DIRAS1: variants seen among roughly 807,000 people sequenced by gnomAD.
DIRAS1 encodes the protein GTP-binding protein Di-Ras1.
DIRAS1 carries 3 observed loss-of-function variants against 11.5 expected under a neutral mutation model. The observed-to-expected ratio is 0.26, with a 90% CI of 0.12 to 0.67. The LOEUF is 0.67. Ranked by LOEUF, DIRAS1 falls within the 30% of genes least tolerant of loss-of-function variation. The pLI is 0.80. For missense variants in DIRAS1, 212 were observed against 285.3 expected (o/e 0.74, Z 1.85); for synonymous variants, 128 against 125.8 (o/e 1.02, Z -0.12).
rs1913774627 is a variant in DIRAS1, at chr19:2,715,776, T to G, written c.*1434A>C. ...TTGCTATAGAGTGGAACACAGATCG[T>G]GTCCCTCAATCAGGACAAACATATT... On this transcript the variant is annotated 3_prime_UTR_variant, in exon 2 of 2. Coordinates refer to ENST00000323469, the MANE Select transcript of DIRAS1 (RefSeq NM_145173.4). 6.6e-6 allele frequency: 1 copy of G among 152,246 alleles called. No individual in the cohort carries two copies. Among genetic ancestry groups the G allele is most frequent in the Admixed American group, 6.5e-5 (1 of 15,284 alleles). The allele number at this position is 152,246 out of a possible 1,614,324, so 9.4% of individuals were successfully genotyped here. A position where few individuals can be genotyped will look rare whatever the true frequency, so the allele number is the denominator to read the frequency against.
chr19:2,715,074 A>T lies in DIRAS1; in HGVS notation c.*2136T>A, dbSNP rs1039365906. On this transcript the variant is annotated 3_prime_UTR_variant, in exon 2 of 2. Coordinates refer to ENST00000323469, the MANE Select transcript of DIRAS1 (RefSeq NM_145173.4). ...TCTGGGAGCCCGGTCCACGTGCTGG[A>T]TAGCAACACACACGCACGTGTGCAC... 6.6e-6 allele frequency: 1 copy of T among 152,336 alleles called. No individual in the cohort carries two copies. Among genetic ancestry groups the T allele is most frequent in the Admixed American group, 6.5e-5 (1 of 15,278 alleles). The allele number at this position is 152,336 out of a possible 1,614,324, so 9.4% of individuals were successfully genotyped here.
rs1446860031 is a variant in DIRAS1, at chr19:2,717,575, T to C, written c.232A>G (p.Lys78Glu). Residue 78 changes from lysine (K) to glutamate (E), a missense_variant, in exon 2 of 2, where the codon AAG (lysine) becomes GAG (glutamate). By Grantham distance (56) the Lys-to-Glu change is moderately conservative (BLOSUM62 1). Around this residue, in one of 2 missense-constraint regions of DIRAS1, gnomAD observed 128 missense variants for 205.3 expected, o/e 0.62. Transcript: ENST00000323469. ...AACACCAGGATGAAGGCGTGGCCCTTGGAGATGGACAGGCGCTGCATGGCC... is the reference window on the plus strand; with the variant it reads ...AACACCAGGATGAAGGCGTGGCCCTCGGAGATGGACAGGCGCTGCATGGCC... ...FPAMQRLSIS[K>E]GHAFILVFSV... 6.2e-7 allele frequency: 1 copy of C among 1,612,908 alleles called. No homozygotes were observed. The highest frequency in any genetic ancestry group is 8.5e-7 in the Non-Finnish European group (1 of 1,179,616).
chr19:2,721,287 C>G lies in DIRAS1; in HGVS notation c.-70+17G>C, dbSNP rs1281234314. On this transcript the variant is annotated intron_variant, in intron 1 of 1. Coordinates refer to ENST00000323469, the MANE Select transcript of DIRAS1 (RefSeq NM_145173.4). ...GGGGGCTGCGCAGGGACCCCCTCCC[C>G]GCCCCGGGCCGCCTACCTGGGCCCG... is the stretch of plus-strand genomic sequence containing the variant. 6.8e-6 allele frequency: 1 copy of G among 147,802 alleles called. No individual in the cohort carries two copies. The highest frequency in any genetic ancestry group is 2.4e-5 in the African/African-American group (1 of 40,830). The allele number at this position is 147,802 out of a possible 1,614,324, so 9.2% of individuals were successfully genotyped here.
Position 2,715,453 on chromosome 19 carries a change from C to A in DIRAS1, c.*1757G>T, listed in dbSNP as rs1568293851. ...CCAACAGCCAGCGAGGAACTGAGGC[C>A]TTCAGTCTTGCAACAGCAAGGAACT... On this transcript the variant is annotated 3_prime_UTR_variant, in exon 2 of 2. Transcript: ENST00000323469. 6.6e-6 allele frequency: 1 copy of A among 152,376 alleles called. No individual in the cohort carries two copies. Among genetic ancestry groups the A allele is most frequent in the East Asian group, 1.9e-4 (1 of 5,188 alleles). The allele number at this position is 152,376 out of a possible 1,614,324, so 9.4% of individuals were successfully genotyped here. A position where few individuals can be genotyped will look rare whatever the true frequency, so the allele number is the denominator to read the frequency against.
In DIRAS1 at chr19:2,716,135, C is replaced by T. The variant is rs1004972081; in HGVS notation, c.*1075G>A. 1.3e-5 allele frequency: 2 copies of T among 152,290 alleles called. No individual in the cohort carries two copies. Among genetic ancestry groups the T allele is most frequent in the Non-Finnish European group, 2.9e-5 (2 of 68,078 alleles). The allele number at this position is 152,290 out of a possible 1,614,324, so 9.4% of individuals were successfully genotyped here. On this transcript the variant is annotated 3_prime_UTR_variant, in exon 2 of 2. Coordinates refer to ENST00000323469, the MANE Select transcript of DIRAS1 (RefSeq NM_145173.4). ...TTGGACACAACCCTGTGGGGTCACA[C>T]GAGTGTGGTGTCACTCAGACTCTCT...
In DIRAS1 at chr19:2,717,052, G is replaced by A; in HGVS notation, c.*158C>T. The A allele has an allele frequency of 1.4e-6, 1 of 720,116 alleles. No homozygotes were observed. The highest frequency in any genetic ancestry group is 2.2e-6 in the Non-Finnish European group (1 of 450,452). The allele number at this position is 720,116 out of a possible 1,614,324, so 44.6% of individuals were successfully genotyped here. On this transcript the variant is annotated 3_prime_UTR_variant, in exon 2 of 2. Coordinates refer to ENST00000323469, the MANE Select transcript of DIRAS1 (RefSeq NM_145173.4). ...AAAGCCCCAGCCCTGCCTCGGGGTG[G>A]GCAGGGGCAGCGGAGGGGGGGGCGG...
chr19:2,719,946 T>A (rs183931051), intron 1 of DIRAS1, among the ~76,000 whole-genome samples: 108 of 152,276 alleles, frequency 7.1e-4, no homozygotes, highest in African/African-American at 2.6e-3. Flanking sequence ...TTCTGGATTA[T>A]CAAGGGTAAC....
rs1320163694 is a variant in DIRAS1 at position 2,717,469 on chromosome 19, T to C, written c.338A>G (p.Asp113Gly). The C allele has an allele frequency of 6.2e-7, 1 of 1,611,472 alleles. No individual in the cohort carries two copies. Among genetic ancestry groups the C allele is most frequent in the African/African-American group, 1.3e-5 (1 of 75,044 alleles). Residue 113 changes from aspartate (D) to glycine (G), a missense_variant, in exon 2 of 2, where the codon GAC (aspartate) becomes GGC (glycine). Transcript: ENST00000323469. ...GTTGCCCACGAGCATCACGGGGATG[T>C]CCTCCACGCTGCCCTTGATCTGCAC... is the stretch of plus-strand genomic sequence containing the variant. ...LIVQIKGSVE[D>G]IPVMLVGNKC...
intron 1 of DIRAS1, among the ~76,000 whole-genome samples, chr19:2,721,001 C>G (rs1263965148): frequency 2.6e-5 from 3 of 117,282 alleles, no homozygotes; most frequent in Admixed American, 9.6e-5. Context: ...AGGCCCTGCC[C>G]GAGGGGACCA....
chr19:2,717,909 AC>A, intron 1 of DIRAS1, 34 bp from the exon 2 acceptor site: 1 of 1,261,074 alleles, frequency 7.9e-7, no homozygotes, highest in Non-Finnish European at 1.1e-6. Context: ...GTCAAAGGCC[AC>A]CCAGGCTTGA....
At position 2,717,123 on chromosome 19, in the gene DIRAS1, AGAG is replaced by A. The variant is rs1162024347; in HGVS notation, c.*84_*86del. 106 of 1,322,670 alleles carry A rather than the reference AGAG, an allele frequency of 8.0e-5. No individual in the cohort carries two copies. Among genetic ancestry groups the A allele is most frequent in the Non-Finnish European group, 1.0e-4 (102 of 986,576 alleles). The allele number at this position is 1,322,670 out of a possible 1,614,324, so 81.9% of individuals were successfully genotyped here. A position where few individuals can be genotyped will look rare whatever the true frequency, so the allele number is the denominator to read the frequency against. Reference sequence around the variant, plus strand: ...GAGGTGTCGGAGGAAGGATGAGAGAAGAGGAGGAGGCCGAGGAGGGTGTCGGTG... The same window carrying A: ...GAGGTGTCGGAGGAAGGATGAGAGAAGAGGAGGCCGAGGAGGGTGTCGGTG... On this transcript the variant is annotated 3_prime_UTR_variant, in exon 2 of 2. Coordinates refer to ENST00000323469, the MANE Select transcript of DIRAS1 (RefSeq NM_145173.4).
chr19:2,715,246 CAT>C lies in DIRAS1; in HGVS notation c.*1962_*1963del, dbSNP rs1476377903. 6.6e-5 allele frequency: 10 copies of C among 151,634 alleles called. No individual in the cohort carries two copies. Among genetic ancestry groups the C allele is most frequent in the Non-Finnish European group, 1.3e-4 (9 of 68,058 alleles). 9.4% of individuals were successfully genotyped at this position (151,634 alleles called of 1,614,324 possible). A position where few individuals can be genotyped will look rare whatever the true frequency, so the allele number is the denominator to read the frequency against. ...ACCTGGCCACATGACTACAGAGACA[CAT>C]GTGTGCAATCTCTCTCTCTCTCTCA... On this transcript the variant is annotated 3_prime_UTR_variant, in exon 2 of 2. Coordinates refer to ENST00000323469, the MANE Select transcript of DIRAS1 (RefSeq NM_145173.4).
Position 2,715,655 on chromosome 19 carries a change from G to A in DIRAS1, c.*1555C>T, listed in dbSNP as rs1321884908. On this transcript the variant is annotated 3_prime_UTR_variant, in exon 2 of 2. Coordinates refer to ENST00000323469, the MANE Select transcript of DIRAS1 (RefSeq NM_145173.4). ...ACAGAATCTATGAGATAATAAGCAT[G>A]TGTTGTTTCTGGTTGCTACATTTGT... is the stretch of plus-strand genomic sequence containing the variant. 6.6e-6 allele frequency: 1 copy of A among 152,338 alleles called. No homozygotes were observed. Among genetic ancestry groups the A allele is most frequent in the East Asian group, 1.9e-4 (1 of 5,188 alleles). The allele number at this position is 152,338 out of a possible 1,614,324, so 9.4% of individuals were successfully genotyped here. A position where few individuals can be genotyped will look rare whatever the true frequency, so the allele number is the denominator to read the frequency against.
chr19:2,721,150 G>A (rs1158200150), intron 1 of DIRAS1, among the ~76,000 whole-genome samples, 154 bp downstream of exon 1: 2 of 150,084 alleles, frequency 1.3e-5, no homozygotes, highest in South Asian at 4.2e-4. Context: ...GGAAGGGACG[G>A]GGGACGCCCG....
rs1288831108 is a variant in DIRAS1 at position 2,718,119 on chromosome 19, C to T, written c.-69-244G>A. On this transcript the variant is annotated intron_variant, in intron 1 of 1. Transcript: ENST00000323469. The surrounding 1 kb of genome is among the most constrained non-coding windows in gnomAD (Gnocchi z 4.2). The stretch of plus-strand genomic sequence containing the variant: ...CTGGGGCCTGAGCTTCCCCGGGGGA[C>T]GCTGAGCTAGGAGAGGCGTGGGAGA... Among the ~76,000 whole-genome samples the T allele has an allele frequency of 6.6e-6, 1 of 152,212 alleles. No homozygotes were observed. The highest frequency in any genetic ancestry group is 1.5e-5 in the Non-Finnish European group (1 of 68,030).
intron 1 of DIRAS1, chr19:2,719,140 T>G (rs1274533790): frequency 6.6e-6 from 1 of 152,188 alleles, no homozygotes; most frequent in Non-Finnish European, 1.5e-5. Flanking sequence ...ATTACAGGGC[T>G]GCTCTCCTCA....
At chr19:2,719,320 A>C (rs1913899666) in intron 1 of DIRAS1, 1 of 152,050 alleles carries the variant, frequency 6.6e-6, no homozygotes, top group Non-Finnish European at 1.5e-5. Flanking sequence ...CTAAACTCTA[A>C]AATCAAACTA....
At position 2,717,070 on chromosome 19, in the gene DIRAS1, G is replaced by GT. The variant is rs1024960035; in HGVS notation, c.*139_*140insA. Reference sequence around the variant, plus strand: ...CGGGGTGGGCAGGGGCAGCGGAGGGGGGGGCGGTGGCCTCGGTTTCCCCAG... The same window carrying GT: ...CGGGGTGGGCAGGGGCAGCGGAGGGGTGGGGCGGTGGCCTCGGTTTCCCCAG... On this transcript the variant is annotated 3_prime_UTR_variant, in exon 2 of 2. Transcript: ENST00000323469. 5.8e-6 allele frequency: 5 copies of GT among 858,170 alleles called. No homozygotes were observed. In the African/African-American group the frequency reaches 8.8e-5, roughly 15 times the overall value. The allele number at this position is 858,170 out of a possible 1,614,324, so 53.2% of individuals were successfully genotyped here. A position where few individuals can be genotyped will look rare whatever the true frequency, so the allele number is the denominator to read the frequency against.
chr19:2,717,863 C>A lies in DIRAS1; in HGVS notation c.-57G>T. ...GGAGGGCTGGTGCCAGCTGCAAGAA[C>A]CCCAGACCGAGCCTGTGCAGAGAGG... On this transcript the variant is annotated 5_prime_UTR_variant, in exon 2 of 2. Coordinates refer to ENST00000323469, the MANE Select transcript of DIRAS1 (RefSeq NM_145173.4). 6.6e-7 allele frequency: 1 copy of A among 1,506,494 alleles called. No homozygotes were observed. The highest frequency in any genetic ancestry group is 1.3e-5 in the South Asian group (1 of 79,710). 93.3% of individuals were successfully genotyped at this position (1,506,494 alleles called of 1,614,324 possible).
Sources: gnomAD v4.1 joint callset for allele counts (sites outside exome capture counted in the v4.1 genomes callset) on GRCh38, gnomAD v4.1.1 for gene constraint, gnomAD v4.1.1 regional missense constraint, Gnocchi (gnomAD v3.1) non-coding constraint, MANE v1.5 for transcripts, NCBI Gene and HGNC (gene_info 2026-07-23, HGNC 2026-07-21) for gene names.